TSPAN10: variants seen among roughly 807,000 people sequenced by gnomAD.
TSPAN10 encodes the protein tetraspanin 10.
Under a neutral mutation model 15.0 loss-of-function variants are expected in TSPAN10, and 11 were observed. The observed-to-expected ratio is 0.73, with a 90% confidence interval of 0.46 to 1.21. The LOEUF is 1.21. Among genes scored for constraint, TSPAN10 ranks in the 50% most tolerant of loss-of-function variants. The pLI, the probability that TSPAN10 is intolerant of heterozygous loss-of-function variation, is 0.00. For synonymous variants in TSPAN10, 241 were observed against 226.2 expected (o/e 1.07, Z -0.59); for missense variants, 486 against 470.6 (o/e 1.03, Z -0.30).
upstream of TSPAN10, chr17:81,637,894 A>G (rs1259922926): frequency 6.7e-6 from 1 of 148,172 alleles, no homozygotes; most frequent in Non-Finnish European, 1.5e-5. Context: ...AGTTGGTGCC[A>G]CTGCACTCCA....
At chr17:81,642,386 T>C (rs767218420), upstream of TSPAN10, 25 of 1,613,350 alleles carry the variant, frequency 1.5e-5, no homozygotes, top group Middle Eastern at 1.6e-4. Flanking sequence ...GCGCCTGTGC[T>C]GGGGGCTTTC....
At chr17:81,647,620 C>T (rs2144387028) in intron 2 of TSPAN10, 7 of 654,590 alleles carry the variant, frequency 1.1e-5, no homozygotes, top group Non-Finnish European at 2.0e-5. Flanking sequence ...TCTGTTCCCC[C>T]TTCAACCGTC....
At chr17:81,646,844 G>T (rs74002484) in intron 2 of TSPAN10, among the ~76,000 whole-genome samples, 57 of 60,986 alleles carry the variant, frequency 9.3e-4, no homozygotes, top group African/African-American at 3.5e-3. Flanking sequence ...TCTTTTTGTT[G>T]GTTTGTTTGT....
At chr17:81,647,785 C>G (rs1598712776) in intron 2 of TSPAN10, 116 bp from the exon 4 acceptor site, 3 of 1,104,472 alleles carry the variant, frequency 2.7e-6, no homozygotes, top group Non-Finnish European at 3.9e-6. Flanking sequence ...CACGTGTGTG[C>G]ATGTGCCTGT....
upstream of TSPAN10, among the ~76,000 whole-genome samples, chr17:81,640,273 C>T (rs571594690): frequency 3.9e-5 from 6 of 152,216 alleles, no homozygotes; most frequent in South Asian, 6.2e-4. Flanking sequence ...AGGCATAAGC[C>T]GCTGTACCCA....
chr17:81,644,237 G>C (rs1186180802), intron 1 of TSPAN10, among the ~76,000 whole-genome samples: 4 of 152,142 alleles, frequency 2.6e-5, no homozygotes, highest in African/African-American at 9.7e-5. Flanking sequence ...CACAGAGAGA[G>C]ACCAGCAAGC....
intron 1 of TSPAN10, 23 bp from the exon 3 acceptor site, chr17:81,644,968 AC>A: frequency 6.2e-7 from 1 of 1,607,690 alleles, no homozygotes; most frequent in Non-Finnish European, 8.5e-7. Flanking sequence ...ATGCGGTCTC[AC>A]CCTGTTCCTC....
chr17:81,637,205 A>T (rs1398660928), exon 1 of TSPAN10: 1 of 458,884 alleles, frequency 2.2e-6, no homozygotes, highest in Non-Finnish European at 3.9e-6. Context: ...CGCCCCCGCC[A>T]TCCCTGCAAC....
upstream of TSPAN10, among the ~76,000 whole-genome samples, chr17:81,641,967 C>T (rs1435957527): frequency 6.6e-6 from 1 of 152,114 alleles, no homozygotes; most frequent in East Asian, 1.9e-4. Flanking sequence ...GCTGGGGCTG[C>T]CCATGGGTCT....
exon 3 of TSPAN10, chr17:81,648,290 G>A: frequency 8.3e-7 from 1 of 1,208,520 alleles, no homozygotes; most frequent in East Asian, 3.4e-5. Flanking sequence ...CCCGCCCGGG[G>A]CTGAGCGCAC....
upstream of TSPAN10, chr17:81,637,947 AAAG>A (rs1196270121): frequency 6.6e-6 from 1 of 151,996 alleles, no homozygotes; most frequent in Non-Finnish European, 1.5e-5. Flanking sequence ...AAAAAAAAAA[AAAG>A]ACGTCACTTC....
rs553317961 is a variant in TSPAN10 at position 81,644,436 on chromosome 17, G to C, written c.37-556G>C. Among the ~76,000 whole-genome samples the C allele has an allele frequency of 2.3e-5, 3 of 128,570 alleles. No individual in the cohort carries two copies. The South Asian group carries it at 8.2e-4, about 35-fold the overall frequency. 84.3% of individuals were successfully genotyped at this position (128,570 alleles called of 152,430 possible). ...GGCCGTTGGTGGGGCCGAAGAATGG[G>C]TGCTGGGATGTGAGGACTGGTTTCA... On this transcript the variant is annotated intron_variant, in intron 1 of 2. Transcript: ENST00000611590.
At chr17:81,638,862 GT>G (rs2036148581), upstream of TSPAN10, 1 of 152,148 alleles carries the variant, frequency 6.6e-6, no homozygotes, top group African/African-American at 2.4e-5. Context: ...AATTTGGGAG[GT>G]TTAGAATCTT....
At chr17:81,645,418 G>A (rs1273690528) in exon 2 of TSPAN10, 6 of 1,603,010 alleles carry the variant, frequency 3.7e-6, no homozygotes, top group South Asian at 3.3e-5. Flanking sequence ...TGGCTTCTCT[G>A]GGGGCATCCT....
chr17:81,645,367 G>T, exon 2 of TSPAN10: 1 of 1,594,496 alleles, frequency 6.3e-7, no homozygotes, highest in Non-Finnish European at 8.5e-7. Flanking sequence ...GAGCCTGGCT[G>T]GCTACCTGGG....
intron 1 of TSPAN10, among the ~76,000 whole-genome samples, chr17:81,644,231 G>A (rs2036212731): frequency 6.6e-6 from 1 of 152,142 alleles, no homozygotes. Flanking sequence ...TTCCCCCACA[G>A]AGAGAGACCA....
chr17:81,646,694 A>AG, intron 2 of TSPAN10: 1 of 151,406 alleles, frequency 6.6e-6, no homozygotes, highest in East Asian at 2.0e-4. Context: ...AAAAAAAAGA[A>AG]AAGAAAATGA....
chr17:81,642,846 G>C (rs2036192331), intron 1 of TSPAN10, among the ~76,000 whole-genome samples: 1 of 152,060 alleles, frequency 6.6e-6, no homozygotes, highest in Non-Finnish European at 1.5e-5. Flanking sequence ...GAGGTCTTGG[G>C]GGTGATAAAT....
chr17:81,645,188 A>G, exon 2 of TSPAN10: 2 of 1,547,710 alleles, frequency 1.3e-6, no homozygotes, highest in Non-Finnish European at 1.7e-6. Flanking sequence ...TGCGTCAAGT[A>G]TCTGATCTTC....
Sources: gnomAD v4.1 joint callset for allele counts (sites outside exome capture counted in the v4.1 genomes callset) on GRCh38, gnomAD v4.1.1 for gene constraint, MANE v1.5 for transcripts, NCBI Gene and HGNC (gene_info 2026-07-23, HGNC 2026-07-21) for gene names.